Variants in SLC5A4 observed in about 807,000 individuals in gnomAD.
SLC5A4 encodes the protein solute carrier family 5 member 4.
A neutral mutation model predicts 70.3 loss-of-function variants in SLC5A4; 55 were observed. The ratio of observed to expected loss-of-function variants is 0.78; its 90% confidence interval spans 0.63 to 0.98. SLC5A4 has a LOEUF of 0.98. Among genes scored for constraint, SLC5A4 ranks in the 50% least tolerant of loss-of-function variants. The pLI is 0.00. For missense variants in SLC5A4, 735 were observed against 839.2 expected, an observed-to-expected ratio of 0.88 and a Z score of 1.53; for synonymous variants, 268 against 305.7, an observed-to-expected ratio of 0.88 and a Z score of 1.29.
chr22:32,320,680 T>C, the SLC5A4 span, among the ~76,000 whole-genome samples: 1 of 152,158 alleles, frequency 6.6e-6, no homozygotes, highest in African/African-American at 2.4e-5. Context: ...CTTCCTCCCC[T>C]GGGCAATTTC....
At chr22:32,255,368 A>G, upstream of SLC5A4, 1 of 1,604,110 alleles carries the variant, frequency 6.2e-7, no homozygotes, top group Non-Finnish European at 8.5e-7. Flanking sequence ...CGCATGAGCC[A>G]TCTTTATATA....
chr22:32,239,048 C>T lies in SLC5A4; in HGVS notation c.520G>A (p.Gly174Arg), dbSNP rs1233142084. Reference sequence around the variant, plus strand: ...AAGATTGCCAGGTAAAGGTCCAATCCCAAGGCCAGCTTGATGAATATGGCT... The same window carrying T: ...AAGATTGCCAGGTAAAGGTCCAATCTCAAGGCCAGCTTGATGAATATGGCT... ...AGAIFIKLAL[G>R]LDLYLAIFIL... Residue 174 changes from glycine to arginine, a missense_variant, in exon 6 of 15, where the codon GGA (glycine) becomes AGA (arginine). Coordinates refer to ENST00000266086, the MANE Select transcript of SLC5A4 (RefSeq NM_014227.3). 1.2e-6 allele frequency: 2 copies of T among 1,613,800 alleles called. No individual in the cohort carries two copies. Among genetic ancestry groups the T allele is most frequent in the Non-Finnish European group, 8.5e-7 (1 of 1,179,930 alleles).
At chr22:32,347,413 T>C in the SLC5A4 span, among the ~76,000 whole-genome samples, 1 of 152,280 alleles carries the variant, frequency 6.6e-6, no homozygotes, top group Middle Eastern at 3.4e-3. Context: ...CACGTATGTT[T>C]ATTGTGGCAC....
At chr22:32,354,223 C>T in the SLC5A4 span, among the ~76,000 whole-genome samples, 1 of 144,098 alleles carries the variant, frequency 6.9e-6, no homozygotes, top group African/African-American at 2.6e-5. Flanking sequence ...GTCTGGCCCC[C>T]AGTAGCACTC....
At chr22:32,258,442 C>G (rs899584439), upstream of SLC5A4, among the ~76,000 whole-genome samples, 1 of 152,000 alleles carries the variant, frequency 6.6e-6, no homozygotes, top group African/African-American at 2.4e-5. Flanking sequence ...TTAGACATTT[C>G]TCAAAAAAAC....
the SLC5A4 span, among the ~76,000 whole-genome samples, chr22:32,326,922 CTGGG>C: frequency 6.6e-6 from 1 of 152,164 alleles, no homozygotes; most frequent in Non-Finnish European, 1.5e-5. Flanking sequence ...GTGGGTGCCT[CTGGG>C]AACTGGAGCA....
chr22:32,254,566 G>C (rs565944023), intron 1 of SLC5A4, among the ~76,000 whole-genome samples: 1 of 152,100 alleles, frequency 6.6e-6, no homozygotes, highest in African/African-American at 2.4e-5. Flanking sequence ...GCACTTTGGA[G>C]GGCCGAGGCG....
chr22:32,292,417 A>G, the SLC5A4 span, among the ~76,000 whole-genome samples: 1 of 147,540 alleles, frequency 6.8e-6, no homozygotes, highest in Non-Finnish European at 1.5e-5. Flanking sequence ...TTTCTAGTGT[A>G]TGTGTGTGTG....
At chr22:32,281,946 C>T in the SLC5A4 span, among the ~76,000 whole-genome samples, 2 of 152,150 alleles carry the variant, frequency 1.3e-5, no homozygotes, top group South Asian at 4.1e-4. Flanking sequence ...TGGGTTCAAG[C>T]GATTCTCCTG....
intron 11 of SLC5A4, among the ~76,000 whole-genome samples, chr22:32,227,214 GA>G (rs1260481763): frequency 2.0e-5 from 3 of 152,196 alleles, no homozygotes; most frequent in African/African-American, 7.2e-5. Flanking sequence ...ATAACAGAGA[GA>G]GGGGAAAAGA....
At chr22:32,336,585 G>A in the SLC5A4 span, among the ~76,000 whole-genome samples, 894 of 152,284 alleles carry the variant, frequency 5.9e-3, 6 homozygotes, top group Middle Eastern at 0.017. Context: ...TAGGAGCTTG[G>A]GCTCCTAATG....
At chr22:32,350,621 A>G in the SLC5A4 span, among the ~76,000 whole-genome samples, 1 of 152,182 alleles carries the variant, frequency 6.6e-6, no homozygotes, top group Non-Finnish European at 1.5e-5. Context: ...TTTTTTCTAT[A>G]TGCTTTAAAA....
chr22:32,307,759 G>A, the SLC5A4 span, among the ~76,000 whole-genome samples: 1 of 152,170 alleles, frequency 6.6e-6, no homozygotes, highest in Non-Finnish European at 1.5e-5. Context: ...TTCCGGAGGG[G>A]ACAGGGCATG....
the SLC5A4 span, among the ~76,000 whole-genome samples, chr22:32,301,101 T>TATAGGCGCCCACCACTGCGCCC: frequency 6.6e-6 from 1 of 152,136 alleles, no homozygotes; most frequent in East Asian, 1.9e-4. Flanking sequence ...TAGCTGGGCT[T>TATAGGCGCCCACCACTGCGCCC]ACAGGCGCCC....
chr22:32,264,063 A>G, the SLC5A4 span, among the ~76,000 whole-genome samples: 1 of 151,024 alleles, frequency 6.6e-6, no homozygotes, highest in Non-Finnish European at 1.5e-5. Context: ...GGAGAGGGAG[A>G]GCATTAGGAG....
At chr22:32,304,614 T>C in the SLC5A4 span, among the ~76,000 whole-genome samples, 50 of 152,354 alleles carry the variant, frequency 3.3e-4, 1 homozygote, top group South Asian at 0.01. Context: ...GAATTCTTTG[T>C]ATATTTTGGC....
intron 11 of SLC5A4, among the ~76,000 whole-genome samples, chr22:32,227,048 T>G (rs1433502399): frequency 6.6e-6 from 1 of 152,094 alleles, no homozygotes; most frequent in Non-Finnish European, 1.5e-5. Flanking sequence ...CATCCTTTCT[T>G]CCTGCTTTGT....
chr22:32,336,755 G>A, the SLC5A4 span, among the ~76,000 whole-genome samples: 1 of 152,228 alleles, frequency 6.6e-6, no homozygotes, highest in Non-Finnish European at 1.5e-5. Flanking sequence ...CCCTTTGGCT[G>A]AAGACATTGA....
At chr22:32,353,113 C>G in the SLC5A4 span, among the ~76,000 whole-genome samples, 67 of 152,228 alleles carry the variant, frequency 4.4e-4, no homozygotes, top group Non-Finnish European at 8.2e-4. Context: ...CTCACGCCCA[C>G]CCTCCAAAGT....
Sources: allele counts gnomAD v4.1 joint callset (sites outside exome capture counted in the v4.1 genomes callset), GRCh38; gene constraint gnomAD v4.1.1; transcripts MANE v1.5; gene names NCBI Gene and HGNC (gene_info 2026-07-23, HGNC 2026-07-21).